The following MYH14 variants were observed in gnomAD, a reference collection of about 807,000 sequenced individuals.
MYH14 encodes myosin heavy chain 14.
MYH14 carries 123 observed loss-of-function variants against 255.5 expected under a neutral mutation model. The ratio of observed to expected loss-of-function variants is 0.48; its 90% CI spans 0.42 to 0.56. MYH14 has a LOEUF of 0.56. Among genes scored for constraint, MYH14 ranks in the 20% least tolerant of loss-of-function variants. MYH14 has a pLI of 0.00. For synonymous variants in MYH14, 1,095 were observed against 1,161.2 expected, an observed-to-expected ratio of 0.94 and a Z score of 1.16; for missense variants, 2,423 against 2,802.3, an observed-to-expected ratio of 0.86 and a Z score of 3.06.
Position 50,280,532 on chromosome 19 carries a change from C to T in MYH14, c.4290+149C>T, listed in dbSNP as rs1268044229. The stretch of plus-strand genomic sequence containing the variant: ...CTCATCTCTGACTCCCCCTTACCCC[C>T]CACAGCCCATGCCCAGCCCTGGCTG... On this transcript the variant is annotated intron_variant, in intron 32 of 42. Transcript: ENST00000642316. The surrounding 1 kb of genome is among the most constrained non-coding windows in gnomAD (Gnocchi z 4.8). 7 of 843,976 alleles carry T rather than the reference C, an allele frequency of 8.3e-6. No individual in the cohort carries two copies. The highest frequency in any genetic ancestry group is 1.2e-5 in the Non-Finnish European group (7 of 560,286). The allele number at this position is 843,976 out of a possible 1,614,324, so 52.3% of individuals were successfully genotyped here. A position where few individuals can be genotyped will look rare whatever the true frequency, so the allele number is the denominator to read the frequency against.
chr19:50,246,990 C>G lies in MYH14; in HGVS notation c.1211-14C>G. 1 of 1,584,020 alleles carries G rather than the reference C, an allele frequency of 6.3e-7. No individual in the cohort carries two copies. Among genetic ancestry groups the G allele is most frequent in the Non-Finnish European group, 8.6e-7 (1 of 1,157,750 alleles). ...TCCCAGTGCTGATGGAATCTTGGTGCCTCTCGCCCTCAGCTGCACAGAAGC... is the reference window on the plus strand; with the variant it reads ...TCCCAGTGCTGATGGAATCTTGGTGGCTCTCGCCCTCAGCTGCACAGAAGC... On this transcript the variant is annotated splice_polypyrimidine_tract_variant and intron_variant, in intron 11 of 42. Coordinates refer to ENST00000642316, the MANE Select transcript of MYH14 (RefSeq NM_001145809.2).
chr19:50,273,924 C>G (rs547196648), intron 27 of MYH14, among the ~76,000 whole-genome samples: 1 of 152,074 alleles, frequency 6.6e-6, no homozygotes, highest in South Asian at 2.1e-4. Flanking sequence ...TGCACCCGGC[C>G]GTGAACACAC....
chr19:50,284,694 C>A (rs1473827484), intron 33 of MYH14: 3 of 144,288 alleles, frequency 2.1e-5, no homozygotes, highest in Non-Finnish European at 4.6e-5. Flanking sequence ...CCGGCCTATC[C>A]TGTTTTTTTT....
chr19:50,302,111 T>C (rs2036503588), intron 40 of MYH14, among the ~76,000 whole-genome samples: 1 of 101,794 alleles, frequency 9.8e-6, no homozygotes. Flanking sequence ...AGACCTCATC[T>C]CTAAAAAAAA....
At chr19:50,260,031 T>C (rs975426450) in intron 19 of MYH14, among the ~76,000 whole-genome samples, 3 of 152,206 alleles carry the variant, frequency 2.0e-5, no homozygotes, top group African/African-American at 7.2e-5. Flanking sequence ...ATGGGAAGCC[T>C]TGTACACAAT....
In MYH14 at chr19:50,218,021, G is replaced by T. The variant is rs148695576; in HGVS notation, c.562+250G>T. Among the ~76,000 whole-genome samples the T allele has an allele frequency of 0.01, 1,579 of 152,112 alleles. 12 individuals carry two copies. Among genetic ancestry groups the T allele is most frequent in the South Asian group, 0.027 (132 of 4,822 alleles). ...TTATTATTATTATTAGTTTGAGACG[G>T]AGTCTTGCTCCGTCACCCAGGCTGG... On this transcript the variant is annotated intron_variant, in intron 3 of 42. Coordinates refer to ENST00000642316, the MANE Select transcript of MYH14 (RefSeq NM_001145809.2).
At chr19:50,274,038 A>G (rs1218481276) in intron 27 of MYH14, among the ~76,000 whole-genome samples, 1 of 152,118 alleles carries the variant, frequency 6.6e-6, no homozygotes, top group African/African-American at 2.4e-5. Flanking sequence ...TTTTTCATCT[A>G]TAAAATGGGG....
In MYH14 at chr19:50,307,030, TCCTCATC is replaced by T; in HGVS notation, c.5679-14_5679-8del. On this transcript the variant is annotated splice_polypyrimidine_tract_variant and intron_variant, in intron 40 of 42. Transcript: ENST00000642316. ...GGTTGAGCCCCTCTACTGAGACTCC[TCCTCATC>T]CCTCTCTTCAGAGAGCGCATCCTCT... The T allele has an allele frequency of 6.5e-7, 1 of 1,533,574 alleles. No individual in the cohort carries two copies. The highest frequency in any genetic ancestry group is 1.2e-5 in the South Asian group (1 of 83,696). The allele number at this position is 1,533,574 out of a possible 1,614,324, so 95.0% of individuals were successfully genotyped here.
intron 35 of MYH14, among the ~76,000 whole-genome samples, 171 bp downstream of exon 35, chr19:50,289,819 C>T (rs544243975): frequency 1.3e-5 from 2 of 151,992 alleles, no homozygotes; most frequent in South Asian, 2.1e-4. Context: ...AGTGTCTCCC[C>T]ACCCACCTGC....
Position 50,235,069 on chromosome 19 carries a change from C to T in MYH14, c.1114+2999C>T, listed in dbSNP as rs377264265. ...TGATAAAAAAAATGTGAAGCAATTT[C>T]TCTATTGGTTCAAAAGTTCCGGCCA... On this transcript the variant is annotated intron_variant, in intron 10 of 42. Transcript: ENST00000642316. Among the ~76,000 whole-genome samples, 74 of 152,316 alleles carry T rather than the reference C, an allele frequency of 4.9e-4. 1 individual carries two copies. The South Asian group carries it at 0.014, about 29-fold the overall frequency.
intron 22 of MYH14, among the ~76,000 whole-genome samples, chr19:50,264,863 GC>G (rs2035023983): frequency 6.6e-6 from 1 of 152,184 alleles, no homozygotes; most frequent in Non-Finnish European, 1.5e-5. Flanking sequence ...AAGCCAGGTC[GC>G]CATGCACCAT....
At chr19:50,255,753 G>A (rs1184212881) in intron 17 of MYH14, among the ~76,000 whole-genome samples, 3 of 151,926 alleles carry the variant, frequency 2.0e-5, no homozygotes, top group Non-Finnish European at 4.4e-5. Flanking sequence ...TGTGCTATGA[G>A]GACTTAATAA....
intron 39 of MYH14, among the ~76,000 whole-genome samples, chr19:50,301,020 TAAAG>T (rs1341594551): frequency 6.6e-6 from 1 of 151,648 alleles, no homozygotes; most frequent in African/African-American, 2.4e-5. Context: ...GAGGGTAAAA[TAAAG>T]TATGAATCAG....
intron 2 of MYH14, among the ~76,000 whole-genome samples, chr19:50,215,649 A>C (rs1243297924): frequency 6.6e-6 from 1 of 152,120 alleles, no homozygotes; most frequent in Non-Finnish European, 1.5e-5. Flanking sequence ...TGATCTCTAC[A>C]AAAAGTAAAA....
At chr19:50,211,464 C>T (rs1452137767) in intron 2 of MYH14, among the ~76,000 whole-genome samples, 1 of 152,146 alleles carries the variant, frequency 6.6e-6, no homozygotes, top group Non-Finnish European at 1.5e-5. Context: ...GCAAATGAGG[C>T]CCAGAGAGAG....
At chr19:50,306,372 G>A (rs1214439954) in intron 40 of MYH14, among the ~76,000 whole-genome samples, 2 of 152,164 alleles carry the variant, frequency 1.3e-5, no homozygotes, top group East Asian at 3.9e-4. Context: ...CAGCACATCT[G>A]GGGCTGTTGT....
chr19:50,232,204 AG>A (rs1328096649), intron 10 of MYH14, 134 bp downstream of exon 10: 7 of 1,108,362 alleles, frequency 6.3e-6, no homozygotes, highest in Non-Finnish European at 9.0e-6. Flanking sequence ...GGGCCAGAGC[AG>A]GGAATGAGGC....
At chr19:50,231,335 C>T (rs1475422750) in intron 9 of MYH14, among the ~76,000 whole-genome samples, 1 of 152,254 alleles carries the variant, frequency 6.6e-6, no homozygotes, top group Non-Finnish European at 1.5e-5. Flanking sequence ...GGCCTGCAGC[C>T]CCACTGCTTC....
chr19:50,259,235 A>T lies in MYH14; in HGVS notation c.2324A>T (p.Asn775Ile). Residue 775 changes from asparagine (N) to isoleucine (I), a missense_variant, in exon 19 of 43, where the codon AAC becomes ATC. This residue lies in a region of MYH14 where 672 missense variants were observed against 881.8 expected (regional missense o/e 0.76). Coordinates refer to ENST00000642316, the MANE Select transcript of MYH14 (RefSeq NM_001145809.2). ...CGCATCTGTCGCCAGGGCTTCCCCA[A>T]CCGCATCCTCTTCCAGGAGTTCCGG... ...GIRICRQGFP[N>I]RILFQEFRQR... The T allele has an allele frequency of 6.3e-7, 1 of 1,588,320 alleles. No individual in the cohort carries two copies. Among genetic ancestry groups the T allele is most frequent in the East Asian group, 2.3e-5 (1 of 43,822 alleles).
Sources: gnomAD v4.1 joint callset for allele counts (sites outside exome capture counted in the v4.1 genomes callset) on GRCh38, gnomAD v4.1.1 for gene constraint, gnomAD v4.1.1 regional missense constraint, Gnocchi (gnomAD v3.1) non-coding constraint, MANE v1.5 for transcripts, NCBI Gene and HGNC (gene_info 2026-07-23, HGNC 2026-07-21) for gene names.